IGFBP7: variants seen among roughly 807,000 people sequenced by gnomAD.
IGFBP7 encodes insulin-like growth factor-binding protein 7.
IGFBP7 carries 31 observed loss-of-function variants against 29.4 expected under a neutral mutation model. The observed-to-expected ratio is 1.05, with a 90% CI of 0.79 to 1.42. The LOEUF (loss-of-function observed/expected upper bound fraction) is 1.42, where lower values mean the gene tolerates loss of function less well. IGFBP7 is among the 40% of genes most tolerant of loss of function. The pLI is 0.00. For synonymous variants in IGFBP7, 172 were observed against 174.9 expected (o/e 0.98, Z 0.13); for missense variants, 393 against 395.5 (o/e 0.99, Z 0.05).
At chr4:57,058,265 T>C (rs1724719471) in intron 1 of IGFBP7, among the ~76,000 whole-genome samples, 1 of 152,212 alleles carries the variant, frequency 6.6e-6, no homozygotes, top group Admixed American at 6.5e-5. Context: ...CATCATATGT[T>C]AAATCAGGCT....
intron 1 of IGFBP7, among the ~76,000 whole-genome samples, chr4:57,079,470 A>T (rs139620915): frequency 6.6e-6 from 1 of 152,212 alleles, no homozygotes; most frequent in East Asian, 1.9e-4. Flanking sequence ...TCCTTTGCAG[A>T]GGTTCTTCAA....
At position 57,098,955 on chromosome 4, in the gene IGFBP7, T is replaced by G. The variant is rs151290093; in HGVS notation, c.475+10922A>C. ...ACCCTAAAAAATTCTTGAAGCCTCA[T>G]TTCTGTGTGGTCTCTTTCAAAACCT... On this transcript the variant is annotated intron_variant, in intron 1 of 4. Transcript: ENST00000295666. Among the ~76,000 whole-genome samples, 939 of 152,328 alleles carry G rather than the reference T, an allele frequency of 6.2e-3. 12 individuals are homozygous for G. Among genetic ancestry groups the G allele is most frequent in the African/African-American group, 0.022 (901 of 41,568 alleles).
intron 1 of IGFBP7, among the ~76,000 whole-genome samples, chr4:57,086,678 G>A (rs1725504949): frequency 6.6e-6 from 1 of 152,022 alleles, no homozygotes; most frequent in Admixed American, 6.6e-5. Flanking sequence ...TTACGTTTTT[G>A]TTTTCTAATT....
At chr4:57,082,340 A>G (rs1725389618) in intron 1 of IGFBP7, among the ~76,000 whole-genome samples, 1 of 152,168 alleles carries the variant, frequency 6.6e-6, no homozygotes, top group Non-Finnish European at 1.5e-5. Flanking sequence ...TGGGTCCCAA[A>G]TCGCGGTCTC....
At position 57,110,094 on chromosome 4, in the gene IGFBP7, C is replaced by G; in HGVS notation, c.258G>C (p.Glu86Asp). The G allele has an allele frequency of 6.5e-7, 1 of 1,540,052 alleles. No individual in the cohort carries two copies. The change falls in exon 1 of 5, where the codon GAG becomes GAC. Residue 86 changes from glutamate to aspartate, a missense_variant. Glu to Asp is a conservative substitution (Grantham distance 45, BLOSUM62 2). Coordinates refer to ENST00000295666, the MANE Select transcript of IGFBP7 (RefSeq NM_001553.3). ...TCCGCCTCTTGCGGCTCTTCACGCA[C>G]TCCATGCCCGGCGCGCAGTACCCCC... is the stretch of plus-strand genomic sequence containing the variant. ...AGRGYCAPGM[E>D]CVKSRKRRKG...
intron 1 of IGFBP7, among the ~76,000 whole-genome samples, chr4:57,079,260 T>C (rs918945739): frequency 6.6e-5 from 10 of 151,700 alleles, no homozygotes; most frequent in African/African-American, 2.4e-4. Context: ...AAAAAACAAA[T>C]TGCAGGTGAT....
chr4:57,089,090 G>T (rs1208777710), intron 1 of IGFBP7, among the ~76,000 whole-genome samples: 1 of 149,012 alleles, frequency 6.7e-6, no homozygotes, highest in Non-Finnish European at 1.5e-5. Context: ...CACACATTTA[G>T]TAAGTGGGGG....
At chr4:57,092,482 T>C (rs1442332042) in intron 1 of IGFBP7, among the ~76,000 whole-genome samples, 1 of 152,132 alleles carries the variant, frequency 6.6e-6, no homozygotes, top group East Asian at 1.9e-4. Context: ...CAGGTACAAC[T>C]CTCAATGGTC....
intron 1 of IGFBP7, among the ~76,000 whole-genome samples, chr4:57,080,032 T>C (rs926700033): frequency 2.6e-5 from 4 of 152,110 alleles, no homozygotes; most frequent in African/African-American, 9.7e-5. Flanking sequence ...TCAGGGTAGG[T>C]TTGACTCTAG....
At chr4:57,079,455 G>T (rs1714008) in intron 1 of IGFBP7, among the ~76,000 whole-genome samples, 1 of 151,880 alleles carries the variant, frequency 6.6e-6, no homozygotes, top group Non-Finnish European at 1.5e-5. Flanking sequence ...ACATTAACAC[G>T]GTCCTCCTTT....
chr4:57,074,067 CTT>C (rs201439856), intron 1 of IGFBP7, among the ~76,000 whole-genome samples: 1 of 148,086 alleles, frequency 6.8e-6, no homozygotes, highest in Non-Finnish European at 1.5e-5. Flanking sequence ...CTCTCTCTCT[CTT>C]TTTTCTTTTG....
intron 3 of IGFBP7, 93 bp from the exon 4 acceptor site, chr4:57,032,645 A>G (rs1723965918): frequency 2.0e-6 from 2 of 1,013,340 alleles, no homozygotes; most frequent in African/African-American, 1.6e-5. Flanking sequence ...ATTTCCTAAG[A>G]TGACCAGGGG....
At chr4:57,094,983 C>T (rs1340721895) in intron 1 of IGFBP7, among the ~76,000 whole-genome samples, 1 of 152,208 alleles carries the variant, frequency 6.6e-6, no homozygotes, top group Admixed American at 6.5e-5. Flanking sequence ...AAACAAGCAC[C>T]CCTCCTACAG....
At chr4:57,086,437 G>A (rs2109790848) in intron 1 of IGFBP7, among the ~76,000 whole-genome samples, 1 of 152,254 alleles carries the variant, frequency 6.6e-6, no homozygotes, top group African/African-American at 2.4e-5. Flanking sequence ...ACCCACTAAT[G>A]GACTTTCCAG....
rs547121178 is a variant in IGFBP7, at chr4:57,062,238, G to A, written c.476-21305C>T. On this transcript the variant is annotated intron_variant, in intron 1 of 4. Coordinates refer to ENST00000295666, the MANE Select transcript of IGFBP7 (RefSeq NM_001553.3). ...TGCTTTGTTGGAGAGTGAGGTGTTT[G>A]CGGAGAAGAAAACAGAATCTTAAGA... 5.9e-5 allele frequency among the ~76,000 whole-genome samples: 9 copies of A among 152,240 alleles called. No homozygotes were observed. The South Asian group carries it at 1.5e-3, about 25-fold the overall frequency.
chr4:57,086,096 T>A (rs532984825), intron 1 of IGFBP7, among the ~76,000 whole-genome samples: 2 of 152,152 alleles, frequency 1.3e-5, no homozygotes, highest in Non-Finnish European at 2.9e-5. Flanking sequence ...GGCCTCACAA[T>A]CATGGTGGAA....
At chr4:57,034,068 A>AAAAC (rs60324018) in intron 2 of IGFBP7, among the ~76,000 whole-genome samples, 1 of 150,976 alleles carries the variant, frequency 6.6e-6, no homozygotes, top group East Asian at 1.9e-4. Context: ...AAAAAAAAAA[A>AAAAC]CAGCTGTCAA....
chr4:57,061,233 C>T lies in IGFBP7; in HGVS notation c.476-20300G>A, dbSNP rs553543352. Among the ~76,000 whole-genome samples the T allele has an allele frequency of 2.6e-5, 4 of 152,080 alleles. No individual in the cohort carries two copies. The South Asian group carries it at 6.2e-4, about 24-fold the overall frequency. ...CCTTCAGGGGATACTTTCTAAAACC[C>T]CCAGTGGATGCCTGAAACTGTGGAT... On this transcript the variant is annotated intron_variant, in intron 1 of 4. Coordinates refer to ENST00000295666, the MANE Select transcript of IGFBP7 (RefSeq NM_001553.3).
rs563192904 is a variant in IGFBP7 at position 57,047,798 on chromosome 4, G to A, written c.476-6865C>T. Among the ~76,000 whole-genome samples, 10 of 152,216 alleles carry A rather than the reference G, an allele frequency of 6.6e-5. No homozygotes were observed. The South Asian group carries it at 1.5e-3, about 22-fold the overall frequency. On this transcript the variant is annotated intron_variant, in intron 1 of 4. Transcript: ENST00000295666. ...CACTCAGGCTGGAGCACAGTGGTGC[G>A]AACATGGCTCACTGCAGCCTCAATC...
Sources: allele counts gnomAD v4.1 joint callset (sites outside exome capture counted in the v4.1 genomes callset), GRCh38; gene constraint gnomAD v4.1.1; transcripts MANE v1.5; gene names NCBI Gene and HGNC (gene_info 2026-07-23, HGNC 2026-07-21).